Variants in TSHR observed in about 807,000 individuals in gnomAD.
The protein encoded by TSHR is thyrotropin receptor.
A neutral mutation model predicts 64.1 loss-of-function variants in TSHR; 51 were observed. That is an observed-to-expected ratio of 0.80 (90% CI 0.64 to 1.01). The LOEUF (loss-of-function observed/expected upper bound fraction) is 1.01, where lower values mean the gene tolerates loss of function less well. Ranked by LOEUF, TSHR falls within the 50% of genes least tolerant of loss-of-function variation. TSHR has a pLI of 0.00. For synonymous variants in TSHR, 361 were observed against 361.9 expected (o/e 1.00, Z 0.03); for missense variants, 877 against 942.8 (o/e 0.93, Z 0.91).
intron 3 of TSHR, among the ~76,000 whole-genome samples, chr14:81,077,258 T>G (rs1887571244): frequency 6.6e-6 from 1 of 152,180 alleles, no homozygotes; most frequent in African/African-American, 2.4e-5. Context: ...TGCCATTCAC[T>G]TACACCAAGC....
intron 1 of TSHR, among the ~76,000 whole-genome samples, chr14:80,998,246 G>A (rs181405445): frequency 1.3e-5 from 2 of 152,244 alleles, no homozygotes; most frequent in African/African-American, 4.8e-5. Flanking sequence ...TGTTATGTGG[G>A]AAATAAGAGT....
intron 3 of TSHR, among the ~76,000 whole-genome samples, chr14:81,079,356 T>C (rs879455152): frequency 6.6e-6 from 1 of 152,166 alleles, no homozygotes; most frequent in Non-Finnish European, 1.5e-5. Context: ...TAAAAGTACT[T>C]CACATACACT....
At chr14:81,105,207 T>C in intron 7 of TSHR, 12 of 985,416 alleles carry the variant, frequency 1.2e-5, no homozygotes, top group Non-Finnish European at 1.4e-5. Flanking sequence ...AGGTAAGTCA[T>C]GGTCAAGGAA....
At chr14:80,979,263 G>GCATCATGCATATGTGGAGTCTAA (rs6145411) in intron 1 of TSHR, among the ~76,000 whole-genome samples, 48,558 of 149,806 alleles carry the variant, frequency 0.32, 8,098 homozygotes, top group South Asian at 0.37. Flanking sequence ...TCTCGTAGAA[G>GCATCATGCATATGTGGAGTCTAA]CATCATGCAT....
intron 1 of TSHR, among the ~76,000 whole-genome samples, chr14:80,970,211 GT>G (rs1887523831): frequency 6.6e-6 from 1 of 152,228 alleles, no homozygotes; most frequent in Non-Finnish European, 1.5e-5. Flanking sequence ...GCAGAAATAA[GT>G]GAAGTGGGAG....
At chr14:81,061,340 G>A (rs1441794022) in intron 1 of TSHR, among the ~76,000 whole-genome samples, 1 of 151,890 alleles carries the variant, frequency 6.6e-6, no homozygotes, top group Non-Finnish European at 1.5e-5. Flanking sequence ...TATGTTGTTC[G>A]CACGAATGTT....
At chr14:81,063,481 C>A (rs546100860) in intron 2 of TSHR, among the ~76,000 whole-genome samples, 3 of 152,248 alleles carry the variant, frequency 2.0e-5, no homozygotes, top group African/African-American at 7.2e-5. Flanking sequence ...AACACATCAT[C>A]TTCCTCCCAA....
Position 81,080,224 on chromosome 14 carries a change from T to C in TSHR, c.318-7730T>C, listed in dbSNP as rs142502188. Among the ~76,000 whole-genome samples the C allele has an allele frequency of 3.8e-3, 583 of 152,292 alleles. 4 individuals are homozygous for C. Among genetic ancestry groups the C allele is most frequent in the African/African-American group, 0.012 (519 of 41,552 alleles). On this transcript the variant is annotated intron_variant, in intron 3 of 9. Coordinates refer to ENST00000298171, the MANE Select transcript of TSHR (RefSeq NM_000369.5). ...GCCTCAGCCTCCCAAAGTCCTGGGA[T>C]TACAGGTGTGAGCCACCGCACCTGG...
At chr14:81,005,238 T>A (rs7154878) in intron 1 of TSHR, among the ~76,000 whole-genome samples, 2 of 122,056 alleles carry the variant, frequency 1.6e-5, no homozygotes, top group East Asian at 4.6e-4. Context: ...TGTGTGTGTG[T>A]GTGCACGCAC....
rs61745409 is a variant in TSHR, at chr14:81,144,219, G to T, written c.2161G>T (p.Val721Phe). 7.4e-4 allele frequency: 1,192 copies of T among 1,613,360 alleles called. 13 individuals are homozygous for T. The highest frequency in any genetic ancestry group is 1.7e-4 in the Admixed American group (10 of 59,954). Reference protein sequence around the residue: ...VPPKNSTDIQVQKVTHEMRQG... With the variant: ...VPPKNSTDIQFQKVTHEMRQG... ...TCCAAAGAACAGCACTGATATTCAG[G>T]TTCAAAAGGTTACCCACGAGATGAG... The change falls in exon 10 of 10, where the codon GTT (valine) becomes TTT (phenylalanine). Residue 721 changes from valine to phenylalanine, a missense_variant. Physicochemically the swap from Val to Phe is conservative, Grantham distance 50. Transcript: ENST00000298171.
At chr14:80,995,405 T>C (rs1888956316) in intron 1 of TSHR, 1 of 152,132 alleles carries the variant, frequency 6.6e-6, no homozygotes, top group African/African-American at 2.4e-5. Flanking sequence ...CTATTCAGAA[T>C]AGCAAAGACA....
intron 1 of TSHR, among the ~76,000 whole-genome samples, chr14:80,984,927 G>A (rs1888360246): frequency 6.6e-6 from 1 of 152,142 alleles, no homozygotes; most frequent in Non-Finnish European, 1.5e-5. Flanking sequence ...AAATCATCCT[G>A]TACATTGTTT....
chr14:81,040,038 C>T lies in TSHR; in HGVS notation c.171-22110C>T, dbSNP rs545802721. Among the ~76,000 whole-genome samples, 70 of 151,860 alleles carry T rather than the reference C, an allele frequency of 4.6e-4. 1 individual carries two copies. Among genetic ancestry groups the T allele is most frequent in the Middle Eastern group, 3.4e-3 (1 of 294 alleles). ...TTTTGAGTAAAAAGAACAAAGCTGA[C>T]GGCATTGTACTAGCTGACTTCAAGA... is the stretch of plus-strand genomic sequence containing the variant. On this transcript the variant is annotated intron_variant, in intron 1 of 9. Coordinates refer to ENST00000298171, the MANE Select transcript of TSHR (RefSeq NM_000369.5).
intron 2 of TSHR, among the ~76,000 whole-genome samples, chr14:81,062,854 T>C (rs1162103350): frequency 6.6e-6 from 1 of 152,158 alleles, no homozygotes; most frequent in Non-Finnish European, 1.5e-5. Flanking sequence ...CGAAATAATA[T>C]AACCAGAAGC....
intron 1 of TSHR, among the ~76,000 whole-genome samples, chr14:81,036,358 T>C (rs1400029030): frequency 6.6e-6 from 1 of 152,024 alleles, no homozygotes; most frequent in Non-Finnish European, 1.5e-5. Flanking sequence ...AAGTTACATA[T>C]AAGGGAATCC....
At chr14:80,988,019 C>T (rs1266253782) in intron 1 of TSHR, among the ~76,000 whole-genome samples, 9 of 152,120 alleles carry the variant, frequency 5.9e-5, no homozygotes, top group Non-Finnish European at 1.2e-4. Flanking sequence ...TTCCTGGGCC[C>T]CCTTCCTGAA....
chr14:81,146,037 T>G lies in TSHR; in HGVS notation c.*1684T>G, dbSNP rs574343938. On this transcript the variant is annotated 3_prime_UTR_variant, in exon 10 of 10. Transcript: ENST00000298171. ...TATCATTGAGACCTGCACATCTTAA[T>G]AGAAATATTATAAACATCGAAAATC... 1 of 231,466 alleles carries G rather than the reference T, an allele frequency of 4.3e-6. No individual in the cohort carries two copies. The highest frequency in any genetic ancestry group is 6.1e-5 in the East Asian group (1 of 16,308). The allele number at this position is 231,466 out of a possible 1,614,324, so 14.3% of individuals were successfully genotyped here.
At chr14:80,962,279 A>G (rs1265392218) in intron 1 of TSHR, among the ~76,000 whole-genome samples, 2 of 152,254 alleles carry the variant, frequency 1.3e-5, no homozygotes, top group Admixed American at 1.3e-4. Context: ...TGATGAGTGT[A>G]TATGAATTGC....
At chr14:81,098,568 T>C (rs1236031553) in intron 7 of TSHR, among the ~76,000 whole-genome samples, 1 of 152,096 alleles carries the variant, frequency 6.6e-6, no homozygotes, top group African/African-American at 2.4e-5. Flanking sequence ...GTATGGAGAG[T>C]TCTTAAAATA....
Sources: gnomAD v4.1 joint callset for allele counts (sites outside exome capture counted in the v4.1 genomes callset) on GRCh38, gnomAD v4.1.1 for gene constraint, MANE v1.5 for transcripts, NCBI Gene and HGNC (gene_info 2026-07-23, HGNC 2026-07-21) for gene names.